PACC1: variants seen among roughly 807,000 people sequenced by gnomAD.
PACC1 encodes proton activated chloride channel 1.
Under a neutral mutation model 39.7 loss-of-function variants are expected in PACC1, and 34 were observed. The ratio of observed to expected loss-of-function variants is 0.86; its 90% confidence interval spans 0.65 to 1.14. PACC1 has a LOEUF of 1.14. Ranked by LOEUF, PACC1 falls within the 50% of genes most tolerant of loss-of-function variation. The pLI, the probability that PACC1 is intolerant of heterozygous loss-of-function variation, is 0.00. For synonymous variants in PACC1, 127 were observed against 160.6 expected (o/e 0.79, Z 1.58); for missense variants, 379 against 436.4 (o/e 0.87, Z 1.17).
At chr1:212,365,955 G>A (rs997528056) in intron 7 of PACC1, among the ~76,000 whole-genome samples, 3 of 152,202 alleles carry the variant, frequency 2.0e-5, no homozygotes, top group Non-Finnish European at 4.4e-5. Context: ...ATAGTTTCAA[G>A]TGTTTCCTCA....
At chr1:212,395,198 A>C (rs1661467974) in intron 2 of PACC1, among the ~76,000 whole-genome samples, 2 of 152,092 alleles carry the variant, frequency 1.3e-5, no homozygotes, top group African/African-American at 4.8e-5. Context: ...ACTACAAAGC[A>C]ACAGTAACCA....
chr1:212,394,107 T>C (rs1347360517), intron 2 of PACC1, among the ~76,000 whole-genome samples: 1 of 152,186 alleles, frequency 6.6e-6, no homozygotes, highest in Non-Finnish European at 1.5e-5. Flanking sequence ...ATCATCCTGA[T>C]ACCAAAGCCT....
chr1:212,410,238 T>C (rs576979489), intron 2 of PACC1, 187 bp downstream of exon 2: 19 of 629,438 alleles, frequency 3.0e-5, no homozygotes, highest in African/African-American at 1.1e-4. Flanking sequence ...TAAGAGCAGA[T>C]ACCAGCCTAG....
chr1:212,374,096 T>C (rs11584189), intron 7 of PACC1, among the ~76,000 whole-genome samples: 25,121 of 150,076 alleles, frequency 0.17, 2,521 homozygotes, highest in Middle Eastern at 0.3. Flanking sequence ...ATATCCGCAC[T>C]CCCATGTTTA....
chr1:212,405,207 C>G (rs544673062), intron 2 of PACC1, among the ~76,000 whole-genome samples: 2 of 152,258 alleles, frequency 1.3e-5, no homozygotes, highest in East Asian at 3.9e-4. Flanking sequence ...CTCCACTGCT[C>G]TCCCCCAGAG....
chr1:212,394,005 G>C (rs1661424263), intron 2 of PACC1, among the ~76,000 whole-genome samples: 1 of 151,836 alleles, frequency 6.6e-6, no homozygotes, highest in Non-Finnish European at 1.5e-5. Flanking sequence ...TTCTACCAGA[G>C]GTACAAGGAG....
chr1:212,385,490 T>C, intron 3 of PACC1, 65 bp from the exon 4 acceptor site: 1 of 1,563,112 alleles, frequency 6.4e-7, no homozygotes, highest in Non-Finnish European at 8.8e-7. Context: ...CCTGAAATCA[T>C]CTCACACCTA....
intron 5 of PACC1, among the ~76,000 whole-genome samples, 184 bp downstream of exon 5, chr1:212,379,711 A>C (rs1437974411): frequency 1.3e-5 from 2 of 152,182 alleles, no homozygotes; most frequent in Admixed American, 1.3e-4. Flanking sequence ...GATTTGCTTA[A>C]CTTTGTGATA....
intron 6 of PACC1, among the ~76,000 whole-genome samples, chr1:212,376,222 G>A (rs1660661113): frequency 6.6e-6 from 1 of 152,128 alleles, no homozygotes; most frequent in Non-Finnish European, 1.5e-5. Flanking sequence ...TCGAAGCTGA[G>A]CCTCAGCTTT....
chr1:212,368,198 G>A (rs1361008971), intron 7 of PACC1, among the ~76,000 whole-genome samples: 5 of 152,166 alleles, frequency 3.3e-5, no homozygotes, highest in African/African-American at 7.2e-5. Context: ...CAGCTGCAGT[G>A]ACTGACTACA....
intron 1 of PACC1, among the ~76,000 whole-genome samples, chr1:212,412,059 T>C (rs1314012279): frequency 2.0e-5 from 3 of 151,780 alleles, no homozygotes; most frequent in Non-Finnish European, 4.4e-5. Context: ...GAGAATCTCT[T>C]GAACCCGGGA....
In PACC1 at chr1:212,387,933, A is replaced by G. The variant is rs1241762115; in HGVS notation, c.134-833T>C. Among the ~76,000 whole-genome samples the G allele has an allele frequency of 5.9e-5, 9 of 152,024 alleles. No individual in the cohort carries two copies. In the East Asian group the frequency reaches 1.8e-3, roughly 30 times the overall value. On this transcript the variant is annotated intron_variant, in intron 2 of 7. Coordinates refer to ENST00000261455, the MANE Select transcript of PACC1 (RefSeq NM_018252.3). ...GCTGGGCGTGGTGGCGCATGCCTGTAATCCCAGCTACTCAAGAGGCTGAGG... is the reference window on the plus strand; with the variant it reads ...GCTGGGCGTGGTGGCGCATGCCTGTGATCCCAGCTACTCAAGAGGCTGAGG...
chr1:212,373,213 C>T (rs969476162), intron 7 of PACC1, among the ~76,000 whole-genome samples: 2 of 152,060 alleles, frequency 1.3e-5, no homozygotes, highest in African/African-American at 2.4e-5. Flanking sequence ...GTATATGCAA[C>T]GAACTCATTT....
At chr1:212,389,496 C>T (rs909110080) in intron 2 of PACC1, among the ~76,000 whole-genome samples, 27 of 152,120 alleles carry the variant, frequency 1.8e-4, no homozygotes, top group African/African-American at 6.5e-4. Context: ...ATCTCTATAT[C>T]ATTCATAATG....
Position 212,373,606 on chromosome 1 carries a change from G to A in PACC1, c.891+1587C>T, listed in dbSNP as rs184680502. Among the ~76,000 whole-genome samples, 110 of 152,216 alleles carry A rather than the reference G, an allele frequency of 7.2e-4. 1 individual carries two copies. Among genetic ancestry groups the A allele is most frequent in the Middle Eastern group, 3.4e-3 (1 of 294 alleles). ...TATTTGCAAACTATGCATCCAACAA[G>A]GGATTAGTAACCAGAATATATAAGG... is the stretch of plus-strand genomic sequence containing the variant. On this transcript the variant is annotated intron_variant, in intron 7 of 7. Transcript: ENST00000261455.
At position 212,395,042 on chromosome 1, in the gene PACC1, C is replaced by T. The variant is rs564720209; in HGVS notation, c.134-7942G>A. Reference sequence around the variant, plus strand: ...TAATTTATAGATTCAATGCCATCCCCATCAAGCTACCAATGACTTTCTTCA... The same window carrying T: ...TAATTTATAGATTCAATGCCATCCCTATCAAGCTACCAATGACTTTCTTCA... On this transcript the variant is annotated intron_variant, in intron 2 of 7. Transcript: ENST00000261455. 3.7e-3 allele frequency among the ~76,000 whole-genome samples: 561 copies of T among 152,288 alleles called. 5 individuals are homozygous for T. The highest frequency in any genetic ancestry group is 0.013 in the African/African-American group (540 of 41,546).
At chr1:212,367,890 GCTTCACCA>G (rs1239918584) in intron 7 of PACC1, among the ~76,000 whole-genome samples, 2 of 152,168 alleles carry the variant, frequency 1.3e-5, no homozygotes, top group Non-Finnish European at 2.9e-5. Context: ...ACCCCAGCCA[GCTTCACCA>G]CTGGCTGACT....
At chr1:212,390,667 AG>A (rs149265465) in intron 2 of PACC1, among the ~76,000 whole-genome samples, 8,042 of 152,232 alleles carry the variant, frequency 0.053, 327 homozygotes, top group Admixed American at 0.11. Flanking sequence ...GGAAGCAGAA[AG>A]GGTCAGGGAA....
chr1:212,410,993 C>T lies in PACC1; in HGVS notation c.37-472G>A, dbSNP rs185175694. On this transcript the variant is annotated intron_variant, in intron 1 of 7. Coordinates refer to ENST00000261455, the MANE Select transcript of PACC1 (RefSeq NM_018252.3). ...TCTCTCTGTGTCTTCACATGGTCAT[C>T]GTCTTGAAGGACACCAGCCATGTTG... Among the ~76,000 whole-genome samples, 6 of 152,316 alleles carry T rather than the reference C, an allele frequency of 3.9e-5. No homozygotes were observed. The South Asian group carries it at 6.2e-4, about 16-fold the overall frequency.
Sources: gnomAD v4.1 joint callset for allele counts (sites outside exome capture counted in the v4.1 genomes callset) on GRCh38, gnomAD v4.1.1 for gene constraint, MANE v1.5 for transcripts, NCBI Gene and HGNC (gene_info 2026-07-23, HGNC 2026-07-21) for gene names.